The following PPARGC1A variants were observed in gnomAD, a reference collection of about 807,000 sequenced individuals.
The protein encoded by PPARGC1A is peroxisome proliferator-activated receptor gamma coactivator 1-alpha.
Under a neutral mutation model 88.7 loss-of-function variants are expected in PPARGC1A, and 25 were observed. That is an observed-to-expected ratio of 0.28 (90% CI 0.21 to 0.39). The LOEUF (loss-of-function observed/expected upper bound fraction) is 0.39. Ranked by LOEUF, PPARGC1A falls within the 10% of genes least tolerant of loss-of-function variation. The probability of loss-of-function intolerance (pLI) is 1.00; values close to 1 mark genes in which losing one functional copy is unlikely to be tolerated. For missense variants in PPARGC1A, 880 were observed against 968.7 expected (o/e 0.91, Z 1.22); for synonymous variants, 363 against 355.6 (o/e 1.02, Z -0.24).
At chr4:24,180,180 T>C in the PPARGC1A span, among the ~76,000 whole-genome samples, 1 of 152,204 alleles carries the variant, frequency 6.6e-6, no homozygotes, top group Non-Finnish European at 1.5e-5. Flanking sequence ...TTAATTAACA[T>C]TGAATTAGCC....
At chr4:24,467,675 AT>A in the PPARGC1A span, among the ~76,000 whole-genome samples, 1,397 of 152,070 alleles carry the variant, frequency 9.2e-3, 32 homozygotes, top group African/African-American at 0.032. Flanking sequence ...AAAAAAAAAA[AT>A]GGGCAGTCAG....
At chr4:24,407,373 C>T in the PPARGC1A span, among the ~76,000 whole-genome samples, 3 of 152,198 alleles carry the variant, frequency 2.0e-5, no homozygotes, top group Non-Finnish European at 4.4e-5. Context: ...ATCCCTGCCT[C>T]CTTTACAGAG....
chr4:24,039,212 T>C, the PPARGC1A span, among the ~76,000 whole-genome samples: 2 of 152,192 alleles, frequency 1.3e-5, no homozygotes, highest in Admixed American at 6.5e-5. Context: ...AAAGTCAGAA[T>C]GTGCAACACT....
upstream of PPARGC1A, among the ~76,000 whole-genome samples, chr4:23,902,618 C>G (rs1014698502): frequency 1.3e-5 from 2 of 152,148 alleles, no homozygotes. Context: ...TGACCGTACT[C>G]TAGGATGAAG....
chr4:23,926,059 T>C, the PPARGC1A span, among the ~76,000 whole-genome samples: 1 of 152,178 alleles, frequency 6.6e-6, no homozygotes, highest in Non-Finnish European at 1.5e-5. Flanking sequence ...CTTCTCAGTG[T>C]TTCATCCTTT....
At chr4:24,270,079 T>C in the PPARGC1A span, among the ~76,000 whole-genome samples, 1 of 152,218 alleles carries the variant, frequency 6.6e-6, no homozygotes, top group Non-Finnish European at 1.5e-5. Flanking sequence ...CTCCTCAGTG[T>C]GGGCTGTGTT....
At chr4:24,318,788 G>A in the PPARGC1A span, among the ~76,000 whole-genome samples, 1 of 152,160 alleles carries the variant, frequency 6.6e-6, no homozygotes. Context: ...CTGAATGCCT[G>A]CTCTCAAGAA....
At chr4:23,996,045 G>A in the PPARGC1A span, among the ~76,000 whole-genome samples, 5 of 152,122 alleles carry the variant, frequency 3.3e-5, no homozygotes, top group African/African-American at 1.2e-4. Context: ...GGGAAAACAG[G>A]CTCTTTTCAT....
the PPARGC1A span, among the ~76,000 whole-genome samples, chr4:24,130,154 AAAT>A: frequency 1.3e-5 from 2 of 152,128 alleles, no homozygotes; most frequent in African/African-American, 4.8e-5. Context: ...ATAATAAAAA[AAAT>A]AATAATAATA....
At chr4:23,968,102 C>A in the PPARGC1A span, among the ~76,000 whole-genome samples, 1 of 152,284 alleles carries the variant, frequency 6.6e-6, no homozygotes, top group East Asian at 1.9e-4. Context: ...GTGGAGGCCT[C>A]ATGGTTGAAA....
At chr4:23,977,054 GGAAGAA>G in the PPARGC1A span, among the ~76,000 whole-genome samples, 2 of 151,612 alleles carry the variant, frequency 1.3e-5, no homozygotes, top group South Asian at 2.1e-4. Flanking sequence ...AAGAGGAAGA[GGAAGAA>G]GAAGAAGAAA....
At chr4:24,403,770 G>A in the PPARGC1A span, among the ~76,000 whole-genome samples, 2 of 152,102 alleles carry the variant, frequency 1.3e-5, no homozygotes. Flanking sequence ...TTAGAATTTA[G>A]CAACACTTTA....
the PPARGC1A span, among the ~76,000 whole-genome samples, chr4:24,175,685 G>A: frequency 6.6e-6 from 1 of 151,662 alleles, no homozygotes; most frequent in Non-Finnish European, 1.5e-5. Context: ...ACTGCGCCCA[G>A]TCGATTTTTT....
chr4:24,181,967 C>G, the PPARGC1A span, among the ~76,000 whole-genome samples: 2 of 151,966 alleles, frequency 1.3e-5, no homozygotes, highest in African/African-American at 4.8e-5. Context: ...TCATATTGCA[C>G]TCAGTTCTTG....
chr4:24,108,206 G>A, the PPARGC1A span, among the ~76,000 whole-genome samples: 4 of 152,132 alleles, frequency 2.6e-5, no homozygotes, highest in East Asian at 1.9e-4. Flanking sequence ...GCTCCTGTGA[G>A]AGAAGAGAGG....
At chr4:24,203,694 C>T in the PPARGC1A span, among the ~76,000 whole-genome samples, 5 of 152,286 alleles carry the variant, frequency 3.3e-5, no homozygotes, top group African/African-American at 7.2e-5. Flanking sequence ...TCGCAGAGGG[C>T]GAGGCAATGA....
the PPARGC1A span, among the ~76,000 whole-genome samples, chr4:24,029,769 G>A: frequency 2.2e-4 from 34 of 151,978 alleles, no homozygotes; most frequent in Non-Finnish European, 4.4e-4. Flanking sequence ...CCAAAACATC[G>A]GTAAAACCAC....
At chr4:23,893,771 C>T (rs191303467), upstream of PPARGC1A, among the ~76,000 whole-genome samples, 418 of 152,204 alleles carry the variant, frequency 2.7e-3, 7 homozygotes, top group Non-Finnish European at 2.4e-3. Flanking sequence ...CAGGAAAATA[C>T]AACCTCGGGA....
chr4:24,209,228 GGGT>G, the PPARGC1A span, among the ~76,000 whole-genome samples: 2 of 152,126 alleles, frequency 1.3e-5, no homozygotes, highest in Non-Finnish European at 2.9e-5. Flanking sequence ...CCAAGCCCAG[GGGT>G]CCTCCGGAAG....
Sources: allele counts gnomAD v4.1 joint callset (sites outside exome capture counted in the v4.1 genomes callset), GRCh38; gene constraint gnomAD v4.1.1; transcripts MANE v1.5; gene names NCBI Gene and HGNC (gene_info 2026-07-23, HGNC 2026-07-21).